PRR16: variants seen among roughly 807,000 people sequenced by gnomAD.
PRR16 encodes protein Largen.
Under a neutral mutation model 18.2 loss-of-function variants are expected in PRR16, and 6 were observed. The ratio of observed to expected loss-of-function variants is 0.33; its 90% CI spans 0.18 to 0.65. PRR16 has a LOEUF of 0.65. Among genes scored for constraint, PRR16 ranks in the 30% least tolerant of loss-of-function variants. PRR16 has a pLI of 0.74. For synonymous variants in PRR16, 151 were observed against 147.8 expected, an observed-to-expected ratio of 1.02 and a Z score of -0.16; for missense variants, 412 against 376.6, an observed-to-expected ratio of 1.09 and a Z score of -0.78.
At chr5:120,464,875 C>A (rs1749024586) in intron 1 of PRR16, among the ~76,000 whole-genome samples, 2 of 151,838 alleles carry the variant, frequency 1.3e-5, no homozygotes, top group African/African-American at 4.8e-5. Flanking sequence ...ATCGATGGAC[C>A]TGGGCTGGTG....
At chr5:120,769,339 C>T in the PRR16 span, among the ~76,000 whole-genome samples, 1 of 151,680 alleles carries the variant, frequency 6.6e-6, no homozygotes, top group Non-Finnish European at 1.5e-5. Context: ...CTTGTGTCTC[C>T]CCCTCCCTCT....
Position 120,464,521 on chromosome 5 carries a change from C to A in PRR16, c.35C>A (p.Ser12Tyr), listed in dbSNP as rs750222587. Residue 12 changes from serine (S) to tyrosine (Y), a missense_variant, in exon 1 of 2, where the codon TCC becomes TAC. Transcript: ENST00000407149. ...SAKSKGNPSS[S>Y]CPAEGPPAAS... is the part of the protein sequence containing the mutation. ...AAGTCCAAGGGGAACCCCTCCTCGT[C>A]CTGTCCAGCCGAGGGACCGCCGGCA... The A allele has an allele frequency of 3.0e-5, 47 of 1,591,836 alleles. No homozygotes were observed. Among genetic ancestry groups the A allele is most frequent in the Non-Finnish European group, 4.0e-5 (47 of 1,177,302 alleles).
chr5:120,777,887 G>A, the PRR16 span, among the ~76,000 whole-genome samples: 20 of 152,038 alleles, frequency 1.3e-4, no homozygotes, highest in Non-Finnish European at 2.4e-4. Context: ...ATATTAAGTT[G>A]ACTTTATTAG....
the PRR16 span, among the ~76,000 whole-genome samples, chr5:120,713,257 C>T: frequency 1.3e-5 from 2 of 152,122 alleles, no homozygotes; most frequent in African/African-American, 2.4e-5. Context: ...CATAATTTCA[C>T]TTACGTGTAA....
intron 1 of PRR16, among the ~76,000 whole-genome samples, chr5:120,523,880 A>C (rs1751267697): frequency 6.6e-6 from 1 of 152,192 alleles, no homozygotes; most frequent in Non-Finnish European, 1.5e-5. Context: ...AAGAAGAAAT[A>C]GATAATTCAA....
chr5:120,681,306 T>C (rs1182146507), intron 1 of PRR16, among the ~76,000 whole-genome samples: 1 of 152,196 alleles, frequency 6.6e-6, no homozygotes, highest in South Asian at 2.1e-4. Flanking sequence ...ATTTTATATC[T>C]GTTATTTCAA....
At chr5:120,667,359 G>A (rs1460481155) in intron 1 of PRR16, among the ~76,000 whole-genome samples, 2 of 151,602 alleles carry the variant, frequency 1.3e-5, no homozygotes, top group East Asian at 3.9e-4. Flanking sequence ...TTCTTTATTA[G>A]TCTTGCTAGT....
At chr5:120,493,353 C>CT in intron 1 of PRR16, among the ~76,000 whole-genome samples, 1 of 152,106 alleles carries the variant, frequency 6.6e-6, no homozygotes, top group East Asian at 1.9e-4. Flanking sequence ...TATTTGTAAT[C>CT]TTTTTTTGAG....
At chr5:120,742,828 C>A in the PRR16 span, among the ~76,000 whole-genome samples, 1 of 152,166 alleles carries the variant, frequency 6.6e-6, no homozygotes, top group Non-Finnish European at 1.5e-5. Context: ...TCCCTCTGGG[C>A]TCTAAAGAAG....
intron 1 of PRR16, among the ~76,000 whole-genome samples, chr5:120,655,866 G>A (rs1385606277): frequency 6.6e-6 from 1 of 151,690 alleles, no homozygotes; most frequent in East Asian, 1.9e-4. Context: ...TATATTCTTG[G>A]TATCCATCAT....
At chr5:120,632,280 AAC>A (rs1755083164) in intron 1 of PRR16, among the ~76,000 whole-genome samples, 1 of 152,176 alleles carries the variant, frequency 6.6e-6, no homozygotes, top group Non-Finnish European at 1.5e-5. Flanking sequence ...AATGAGAAAG[AAC>A]CAGAAAAATA....
At chr5:120,774,214 A>G in the PRR16 span, among the ~76,000 whole-genome samples, 1 of 152,270 alleles carries the variant, frequency 6.6e-6, no homozygotes, top group East Asian at 1.9e-4. Context: ...ATTTAATTGT[A>G]CGATTCTTAG....
intron 1 of PRR16, among the ~76,000 whole-genome samples, chr5:120,489,918 T>A (rs1749964113): frequency 6.6e-6 from 1 of 152,180 alleles, no homozygotes; most frequent in Admixed American, 6.5e-5. Flanking sequence ...TGAAACTTAG[T>A]TTGGCTGGAT....
intron 1 of PRR16, among the ~76,000 whole-genome samples, chr5:120,469,942 G>T (rs896604293): frequency 3.3e-5 from 5 of 152,178 alleles, no homozygotes; most frequent in African/African-American, 1.2e-4. Context: ...GTAATAGATA[G>T]TGTGTTTCAG....
At chr5:120,599,709 G>A (rs1753921008) in intron 1 of PRR16, among the ~76,000 whole-genome samples, 1 of 151,806 alleles carries the variant, frequency 6.6e-6, no homozygotes, top group African/African-American at 2.4e-5. Flanking sequence ...CTCACTCACT[G>A]TTTACCTTTC....
chr5:120,749,757 AAC>A, the PRR16 span, among the ~76,000 whole-genome samples: 1 of 152,208 alleles, frequency 6.6e-6, no homozygotes, highest in Non-Finnish European at 1.5e-5. Context: ...AATAGCAACA[AAC>A]AGTGTTTACA....
At chr5:120,715,127 A>G in the PRR16 span, among the ~76,000 whole-genome samples, 1 of 152,030 alleles carries the variant, frequency 6.6e-6, no homozygotes, top group African/African-American at 2.4e-5. Context: ...AGTCGTAGCC[A>G]TAGCCAAGGT....
intron 1 of PRR16, among the ~76,000 whole-genome samples, chr5:120,599,472 A>G (rs1207043322): frequency 3.3e-5 from 5 of 151,874 alleles, no homozygotes; most frequent in Non-Finnish European, 1.5e-5. Context: ...AACACTTTTT[A>G]ACCTCTCATT....
chr5:120,650,789 C>T (rs1306380846), intron 1 of PRR16, among the ~76,000 whole-genome samples: 8 of 152,070 alleles, frequency 5.3e-5, no homozygotes, highest in Admixed American at 2.0e-4. Context: ...AATAAACATA[C>T]GTGTGCATGT....
Sources: gnomAD v4.1 joint callset for allele counts (sites outside exome capture counted in the v4.1 genomes callset) on GRCh38, gnomAD v4.1.1 for gene constraint, MANE v1.5 for transcripts, NCBI Gene and HGNC (gene_info 2026-07-23, HGNC 2026-07-21) for gene names.